The following CDKL1 variants were observed in gnomAD, a reference collection of about 807,000 sequenced individuals.
CDKL1 encodes the protein cyclin-dependent kinase-like 1.
In CDKL1, 41 loss-of-function variants were observed where a neutral mutation model predicts 42.0. That is an observed-to-expected ratio of 0.98 (90% CI 0.76 to 1.27). The LOEUF (loss-of-function observed/expected upper bound fraction) is 1.27. Ranked by LOEUF, CDKL1 falls within the 50% of genes most tolerant of loss-of-function variation. The probability of loss-of-function intolerance (pLI) is 0.00; values close to 1 mark genes in which losing one functional copy is unlikely to be tolerated. For missense variants in CDKL1, 394 were observed against 428.4 expected (o/e 0.92, Z 0.71); for synonymous variants, 153 against 158.6 (o/e 0.96, Z 0.26).
At chr14:50,336,863 T>TA (rs35078048) in intron 7 of CDKL1, among the ~76,000 whole-genome samples, 82,100 of 148,310 alleles carry the variant, frequency 0.55, 22,486 homozygotes, top group Middle Eastern at 0.61. Context: ...TTCACAAATG[T>TA]AAAAAAAAAA....
Position 50,344,218 on chromosome 14 carries a change from T to C in CDKL1, c.363+768A>G, listed in dbSNP as rs1458540443. Among the ~76,000 whole-genome samples the C allele has an allele frequency of 2.6e-5, 4 of 152,166 alleles. No individual in the cohort carries two copies. In the East Asian group the frequency reaches 7.7e-4, roughly 29 times the overall value. ...AGGAGTGTCACAGGCTTTCGATAGGTTGCTTGGTTCGAGACTCGACACTCA... is the reference window on the plus strand; with the variant it reads ...AGGAGTGTCACAGGCTTTCGATAGGCTGCTTGGTTCGAGACTCGACACTCA... On this transcript the variant is annotated intron_variant, in intron 4 of 9. Transcript: ENST00000395834.
chr14:50,395,667 G>C (rs1487682072), intron 2 of CDKL1, 34 bp downstream of exon 2: 1 of 1,489,312 alleles, frequency 6.7e-7, no homozygotes, highest in Non-Finnish European at 9.3e-7. Context: ...ACCCTGTCTC[G>C]AAAAAGAAAA....
intron 3 of CDKL1, among the ~76,000 whole-genome samples, chr14:50,353,153 A>G (rs1331488806): frequency 2.0e-5 from 3 of 152,236 alleles, no homozygotes; most frequent in African/African-American, 7.2e-5. Flanking sequence ...GTTTCACAAA[A>G]TAACTTTCAG....
intron 2 of CDKL1, chr14:50,380,069 T>C (rs1313507683): frequency 4.1e-6 from 2 of 487,360 alleles, no homozygotes; most frequent in Non-Finnish European, 8.5e-6. Context: ...AAATGCAAAA[T>C]TGGCATAGGT....
At chr14:50,338,297 G>A (rs928161315) in intron 7 of CDKL1, among the ~76,000 whole-genome samples, 14 of 151,696 alleles carry the variant, frequency 9.2e-5, no homozygotes, top group African/African-American at 3.1e-4. Context: ...GTGCAATATC[G>A]GCTCACTGCA....
chr14:50,387,293 A>G (rs954286793), intron 2 of CDKL1, among the ~76,000 whole-genome samples: 1 of 151,860 alleles, frequency 6.6e-6, no homozygotes, highest in Non-Finnish European at 1.5e-5. Flanking sequence ...AGGCCGAGGC[A>G]GGTGGATCAC....
In CDKL1 at chr14:50,337,827, C is replaced by T. The variant is rs1033279361; in HGVS notation, c.738+1120G>A. Among the ~76,000 whole-genome samples, 21 of 151,056 alleles carry T rather than the reference C, an allele frequency of 1.4e-4. No individual in the cohort carries two copies. In the East Asian group the frequency reaches 2.7e-3, roughly 20 times the overall value. Reference sequence around the variant, plus strand: ...TCCTGAGTAGCTGTGACTACAGGTGCGTGCCACCATGCTAGGCCAACTTTT... The same window carrying T: ...TCCTGAGTAGCTGTGACTACAGGTGTGTGCCACCATGCTAGGCCAACTTTT... On this transcript the variant is annotated intron_variant, in intron 7 of 9. Coordinates refer to ENST00000395834, the MANE Select transcript of CDKL1 (RefSeq NM_004196.7).
rs370320323 is a variant in CDKL1 at position 50,348,346 on chromosome 14, A to C, written c.291-3288T>G. 3.0e-4 allele frequency among the ~76,000 whole-genome samples: 45 copies of C among 152,218 alleles called. 1 individual carries two copies. Among genetic ancestry groups the C allele is most frequent in the African/African-American group, 1.0e-3 (43 of 41,540 alleles). ...CTCTATCATTTGCCCATAGGGAAAC[A>C]CTCTCCACTACTGGGCAGAAGGCTG... is the stretch of plus-strand genomic sequence containing the variant. On this transcript the variant is annotated intron_variant, in intron 3 of 9. Coordinates refer to ENST00000395834, the MANE Select transcript of CDKL1 (RefSeq NM_004196.7).
At chr14:50,339,853 G>T (rs562107941) in intron 6 of CDKL1, among the ~76,000 whole-genome samples, 1 of 152,232 alleles carries the variant, frequency 6.6e-6, no homozygotes, top group East Asian at 1.9e-4. Flanking sequence ...ATACTCAAAG[G>T]TGTTCTCCTG....
chr14:50,395,895 G>C lies in CDKL1; in HGVS notation c.-27C>G. On this transcript the variant is annotated 5_prime_UTR_variant, in exon 2 of 10. Transcript: ENST00000395834. ...ATAGAGGAATAAATCTTCTTAAAATGGATCTTCAGCCGAGAATGGTGGCTC... is the reference window on the plus strand; with the variant it reads ...ATAGAGGAATAAATCTTCTTAAAATCGATCTTCAGCCGAGAATGGTGGCTC... 1 of 1,608,416 alleles carries C rather than the reference G, an allele frequency of 6.2e-7. No individual in the cohort carries two copies. The highest frequency in any genetic ancestry group is 8.5e-7 in the Non-Finnish European group (1 of 1,175,180).
intron 2 of CDKL1, among the ~76,000 whole-genome samples, chr14:50,371,714 G>C (rs2034596253): frequency 6.6e-6 from 1 of 152,208 alleles, no homozygotes; most frequent in South Asian, 2.1e-4. Flanking sequence ...AGGTTGGAGG[G>C]GCAGGAGCCC....
At chr14:50,332,884 A>T in intron 8 of CDKL1, 1 of 385,400 alleles carries the variant, frequency 2.6e-6, no homozygotes, top group Non-Finnish European at 4.5e-6. Flanking sequence ...TGTTCCCTTC[A>T]CCCTTCTAAA....
chr14:50,388,637 G>A (rs527987406), intron 2 of CDKL1, among the ~76,000 whole-genome samples: 8 of 152,324 alleles, frequency 5.3e-5, no homozygotes, highest in African/African-American at 1.7e-4. Context: ...CCTTGAGGCT[G>A]CTTGACCGCT....
At chr14:50,365,188 G>A (rs1053338709) in intron 2 of CDKL1, among the ~76,000 whole-genome samples, 4 of 152,056 alleles carry the variant, frequency 2.6e-5, no homozygotes, top group Admixed American at 1.3e-4. Flanking sequence ...TTACCCCTTG[G>A]CCAGGAGTAT....
intron 3 of CDKL1, among the ~76,000 whole-genome samples, chr14:50,357,573 C>T (rs984239110): frequency 6.6e-6 from 1 of 152,154 alleles, no homozygotes; most frequent in Non-Finnish European, 1.5e-5. Context: ...TCTAAAGTCT[C>T]CTCCCCTTTC....
Position 50,339,634 on chromosome 14 carries a change from C to T in CDKL1, c.656-605G>A, listed in dbSNP as rs2033440673. ...ATTGGGACCATCTTTTCTTATTTCA[C>T]CAGTTAGCAATCACATGGAAATCCC... is the stretch of plus-strand genomic sequence containing the variant. On this transcript the variant is annotated intron_variant, in intron 6 of 9. Transcript: ENST00000395834. Among the ~76,000 whole-genome samples, 3 of 152,034 alleles carry T rather than the reference C, an allele frequency of 2.0e-5. No homozygotes were observed. In the South Asian group the frequency reaches 6.2e-4, roughly 31 times the overall value.
intron 3 of CDKL1, among the ~76,000 whole-genome samples, chr14:50,346,871 A>G (rs1357569678): frequency 6.6e-6 from 1 of 151,676 alleles, no homozygotes; most frequent in East Asian, 1.9e-4. Context: ...CTGGTCTCAA[A>G]CCCCAGACCT....
intron 4 of CDKL1, 44 bp from the exon 5 acceptor site, chr14:50,342,266 A>G (rs1197448065): frequency 2.6e-6 from 4 of 1,548,272 alleles, no homozygotes; most frequent in Non-Finnish European, 3.6e-6. Flanking sequence ...AGGCTGAACT[A>G]TATATGGGAT....
At chr14:50,343,679 T>C (rs1306303104) in intron 4 of CDKL1, among the ~76,000 whole-genome samples, 3 of 152,162 alleles carry the variant, frequency 2.0e-5, no homozygotes, top group Non-Finnish European at 4.4e-5. Context: ...AAACAGGGTG[T>C]CTGGGGCTCT....
Sources: gnomAD v4.1 joint callset for allele counts (sites outside exome capture counted in the v4.1 genomes callset) on GRCh38, gnomAD v4.1.1 for gene constraint, MANE v1.5 for transcripts, NCBI Gene and HGNC (gene_info 2026-07-23, HGNC 2026-07-21) for gene names.